LRRTM4: variants seen among roughly 807,000 people sequenced by gnomAD.
The protein encoded by LRRTM4 is leucine rich repeat transmembrane neuronal 4.
Under a neutral mutation model 47.6 loss-of-function variants are expected in LRRTM4, and 25 were observed. The observed-to-expected ratio is 0.53, with a 90% CI of 0.38 to 0.73. The LOEUF is 0.73. Among genes scored for constraint, LRRTM4 ranks in the 30% least tolerant of loss-of-function variants. The pLI, the probability that LRRTM4 is intolerant of heterozygous loss-of-function variation, is 0.00. For synonymous variants in LRRTM4, 311 were observed against 269.5 expected, an observed-to-expected ratio of 1.15 and a Z score of -1.51; for missense variants, 638 against 713.4, an observed-to-expected ratio of 0.89 and a Z score of 1.20.
intron 3 of LRRTM4, among the ~76,000 whole-genome samples, chr2:76,853,350 C>A (rs187429449): frequency 3.9e-4 from 60 of 152,150 alleles, no homozygotes; most frequent in Middle Eastern, 6.8e-3. Context: ...TTTTTCCTTT[C>A]TTTTTCTTTT....
intron 3 of LRRTM4, among the ~76,000 whole-genome samples, chr2:76,894,733 C>A (rs1447384194): frequency 6.6e-6 from 1 of 151,788 alleles, no homozygotes; most frequent in African/African-American, 2.4e-5. Flanking sequence ...GGAAAACTGA[C>A]TTGATTGTAA....
chr2:77,077,181 G>A (rs1279737331), intron 3 of LRRTM4, among the ~76,000 whole-genome samples: 1 of 152,138 alleles, frequency 6.6e-6, no homozygotes, highest in Non-Finnish European at 1.5e-5. Context: ...TAATGAGTTT[G>A]ATATAACACT....
chr2:76,981,877 C>A (rs13382847), intron 3 of LRRTM4, among the ~76,000 whole-genome samples: 9,427 of 151,960 alleles, frequency 0.062, 895 homozygotes, highest in African/African-American at 0.21. Context: ...TTGTTTTAAA[C>A]ATTAGATAAA....
chr2:77,079,006 G>A (rs1229660676), intron 3 of LRRTM4, among the ~76,000 whole-genome samples: 1 of 152,096 alleles, frequency 6.6e-6, no homozygotes, highest in African/African-American at 2.4e-5. Flanking sequence ...AGCATCAAAT[G>A]CATTCATATA....
chr2:77,248,513 A>G (rs1675510502), intron 3 of LRRTM4, among the ~76,000 whole-genome samples: 1 of 152,156 alleles, frequency 6.6e-6, no homozygotes, highest in Non-Finnish European at 1.5e-5. Context: ...TCAAAATCCC[A>G]GAAGCTTATC....
At chr2:76,945,953 A>C (rs1006256584) in intron 3 of LRRTM4, among the ~76,000 whole-genome samples, 13 of 151,934 alleles carry the variant, frequency 8.6e-5, no homozygotes, top group Non-Finnish European at 1.6e-4. Context: ...ATTCTCTTTA[A>C]ACAATAAGAG....
At chr2:76,774,249 A>G (rs1391856395) in intron 3 of LRRTM4, among the ~76,000 whole-genome samples, 1 of 151,606 alleles carries the variant, frequency 6.6e-6, no homozygotes. Flanking sequence ...CAGTGGTGCA[A>G]TCTTGGCTCA....
intron 3 of LRRTM4, among the ~76,000 whole-genome samples, chr2:76,834,793 C>T (rs911433845): frequency 6.6e-6 from 1 of 151,906 alleles, no homozygotes; most frequent in Non-Finnish European, 1.5e-5. Flanking sequence ...AAAATTCACT[C>T]AATGAAAATA....
At chr2:77,252,055 T>C (rs116269956) in intron 3 of LRRTM4, among the ~76,000 whole-genome samples, 1 of 152,292 alleles carries the variant, frequency 6.6e-6, no homozygotes, top group Non-Finnish European at 1.5e-5. Context: ...GGACTTTAGA[T>C]AAAGATATCA....
At chr2:77,271,424 G>A (rs1676187701) in intron 3 of LRRTM4, among the ~76,000 whole-genome samples, 3 of 152,172 alleles carry the variant, frequency 2.0e-5, no homozygotes, top group Admixed American at 2.0e-4. Flanking sequence ...CTGGCTGTGG[G>A]TCCTGCATGG....
chr2:77,065,594 T>G (rs944491629), intron 3 of LRRTM4, among the ~76,000 whole-genome samples: 1 of 152,222 alleles, frequency 6.6e-6, no homozygotes, highest in Non-Finnish European at 1.5e-5. Flanking sequence ...TTGGATTATA[T>G]GAAATGAAAT....
At chr2:76,782,562 C>T (rs973921913) in intron 3 of LRRTM4, among the ~76,000 whole-genome samples, 3 of 152,156 alleles carry the variant, frequency 2.0e-5, no homozygotes, top group Admixed American at 6.5e-5. Flanking sequence ...TAATTTTAAG[C>T]AGTTATGATT....
chr2:77,400,406 A>G (rs1037540762), intron 3 of LRRTM4, among the ~76,000 whole-genome samples: 1 of 151,754 alleles, frequency 6.6e-6, no homozygotes, highest in Non-Finnish European at 1.5e-5. Flanking sequence ...CACAGCTCAT[A>G]TATCAGCTCG....
chr2:77,124,984 G>C (rs1239089385), intron 3 of LRRTM4, among the ~76,000 whole-genome samples: 1 of 152,276 alleles, frequency 6.6e-6, no homozygotes, highest in East Asian at 1.9e-4. Flanking sequence ...TTTTGAAAAA[G>C]CATCAAGTGT....
intron 3 of LRRTM4, among the ~76,000 whole-genome samples, chr2:76,947,842 A>G (rs1675372669): frequency 6.6e-6 from 1 of 151,836 alleles, no homozygotes; most frequent in Non-Finnish European, 1.5e-5. Context: ...GAATAGGCAC[A>G]TTTACAGCAG....
Position 77,137,476 on chromosome 2 carries a change from G to A in LRRTM4, c.1551+380842C>T, listed in dbSNP as rs563692029. ...CCCTACAGGAGCACCTGAAGGAAGC[G>A]CTAAACATGGAAAGGAACAATCAGT... On this transcript the variant is annotated intron_variant, in intron 3 of 3. Coordinates refer to ENST00000409884, the MANE Select transcript of LRRTM4 (RefSeq NM_001134745.3). Among the ~76,000 whole-genome samples the A allele has an allele frequency of 2.2e-3, 331 of 151,828 alleles. 9 individuals are homozygous for A. Among genetic ancestry groups the A allele is most frequent in the African/African-American group, 7.7e-3 (316 of 41,228 alleles).
At chr2:76,971,090 A>T (rs763803255) in intron 3 of LRRTM4, among the ~76,000 whole-genome samples, 1 of 152,034 alleles carries the variant, frequency 6.6e-6, no homozygotes, top group Non-Finnish European at 1.5e-5. Context: ...AGAACTGGGC[A>T]ATACTGGCTG....
At chr2:77,082,088 C>T (rs976976473) in intron 3 of LRRTM4, among the ~76,000 whole-genome samples, 2 of 152,068 alleles carry the variant, frequency 1.3e-5, no homozygotes, top group African/African-American at 4.8e-5. Context: ...CTTTTTCTAT[C>T]TTTCAAGAAA....
intron 3 of LRRTM4, among the ~76,000 whole-genome samples, chr2:76,957,301 C>T (rs538084043): frequency 6.6e-6 from 1 of 151,602 alleles, no homozygotes; most frequent in African/African-American, 2.4e-5. Flanking sequence ...GAGTTTCAGT[C>T]ATGCAAAATG....
Sources: allele counts gnomAD v4.1 joint callset (sites outside exome capture counted in the v4.1 genomes callset), GRCh38; gene constraint gnomAD v4.1.1; transcripts MANE v1.5; gene names NCBI Gene and HGNC (gene_info 2026-07-23, HGNC 2026-07-21).